Variants in CYP4V2 observed in about 807,000 individuals in gnomAD.
CYP4V2 encodes the protein cytochrome P450 family 4 subfamily V member 2, also known as cytochrome P450 4V2.
In CYP4V2, 55 loss-of-function variants were observed where a neutral mutation model predicts 60.8. That is an observed-to-expected ratio of 0.90 (90% CI 0.73 to 1.13). CYP4V2 has a LOEUF of 1.13. CYP4V2 is among the 50% of genes most tolerant of loss of function. CYP4V2 has a pLI of 0.00. For missense variants in CYP4V2, 675 were observed against 662.9 expected (o/e 1.02, Z -0.20); for synonymous variants, 239 against 236.8 (o/e 1.01, Z -0.08).
At chr4:186,198,828 C>G (rs1295741660) in intron 5 of CYP4V2, 129 bp from the exon 6 acceptor site, 2 of 1,371,436 alleles carry the variant, frequency 1.5e-6, no homozygotes, top group East Asian at 2.3e-5. Flanking sequence ...AAACATGGAG[C>G]TCTTAGTAGC....
At position 186,198,985 on chromosome 4, in the gene CYP4V2, A is replaced by G; in HGVS notation, c.703A>G (p.Lys235Glu). The G allele has an allele frequency of 6.2e-7, 1 of 1,614,162 alleles. No homozygotes were observed. The highest frequency in any genetic ancestry group is 1.1e-5 in the South Asian group (1 of 91,082). Residue 235 changes from lysine (K) to glutamate (E), a missense_variant, in exon 6 of 11, where the codon AAG (lysine) becomes GAG (glutamate). By Grantham distance (56) the Lys-to-Glu change is moderately conservative (BLOSUM62 1). Coordinates refer to ENST00000378802, the MANE Select transcript of CYP4V2 (RefSeq NM_207352.4). ...RMSEMIFRRI[K>E]MPWLWLDLWY... Reference sequence around the variant, plus strand: ...GAGTGAGATGATATTTCGAAGAATAAAGATGCCCTGGCTTTGGCTTGATCT... The same window carrying G: ...GAGTGAGATGATATTTCGAAGAATAGAGATGCCCTGGCTTTGGCTTGATCT...
chr4:186,210,825 T>C lies in CYP4V2; in HGVS notation c.*184T>C. The C allele has an allele frequency of 1.4e-6, 1 of 727,444 alleles. No homozygotes were observed. Among genetic ancestry groups the C allele is most frequent in the South Asian group, 1.9e-5 (1 of 51,830 alleles). 45.1% of individuals were successfully genotyped at this position (727,444 alleles called of 1,614,324 possible). A position where few individuals can be genotyped will look rare whatever the true frequency, so the allele number is the denominator to read the frequency against. On this transcript the variant is annotated 3_prime_UTR_variant, in exon 11 of 11. Coordinates refer to ENST00000378802, the MANE Select transcript of CYP4V2 (RefSeq NM_207352.4). ...AAGTTTTGAGTTTTGTATTTTCTTT[T>C]TTCTTTTTTCTTTATTTTTTTTTTT...
chr4:186,207,572 T>A (rs1253182457), intron 8 of CYP4V2, among the ~76,000 whole-genome samples: 1 of 125,886 alleles, frequency 7.9e-6, no homozygotes, highest in Non-Finnish European at 1.8e-5. Flanking sequence ...TATAAAAATA[T>A]TAAATAATTA....
rs111424698 is a variant in CYP4V2 at position 186,208,763 on chromosome 4, G to A, written c.1091-102G>A. 129 of 1,513,616 alleles carry A rather than the reference G, an allele frequency of 8.5e-5. 2 individuals are homozygous for A. In the African/African-American group the frequency reaches 1.2e-3, roughly 14 times the overall value. 93.8% of individuals were successfully genotyped at this position (1,513,616 alleles called of 1,614,324 possible). A position where few individuals can be genotyped will look rare whatever the true frequency, so the allele number is the denominator to read the frequency against. On this transcript the variant is annotated intron_variant, in intron 8 of 10. Transcript: ENST00000378802. ...TTCTTCTTTGTTGGGTATTTGATGGGTATTTAGCATGCCATGCCTTGATCC... is the reference window on the plus strand; with the variant it reads ...TTCTTCTTTGTTGGGTATTTGATGGATATTTAGCATGCCATGCCTTGATCC...
chr4:186,192,617 C>T (rs1477781498), intron 1 of CYP4V2, among the ~76,000 whole-genome samples: 2 of 152,094 alleles, frequency 1.3e-5, no homozygotes, highest in African/African-American at 2.4e-5. Context: ...GGGTGTCAAA[C>T]GCCTTGTTTA....
At chr4:186,197,786 A>T (rs1393546901) in intron 5 of CYP4V2, among the ~76,000 whole-genome samples, 184 bp downstream of exon 5, 2 of 130,444 alleles carry the variant, frequency 1.5e-5, no homozygotes, top group Admixed American at 7.4e-5. Context: ...GCACATCTAG[A>T]TTATGTAGTA....
intron 8 of CYP4V2, among the ~76,000 whole-genome samples, chr4:186,208,637 A>G (rs878903298): frequency 7.2e-5 from 9 of 125,486 alleles, no homozygotes; most frequent in Non-Finnish European, 1.5e-4. Context: ...TTTTCTTTGA[A>G]GGGTATTTGA....
Position 186,205,283 on chromosome 4 carries a change from T to A in CYP4V2, c.1071T>A (p.His357Gln). The change falls in exon 8 of 11, where the codon CAT (histidine) becomes CAA (glutamine). Residue 357 changes from histidine to glutamine, a missense_variant. Physicochemically the swap from His to Gln is conservative, Grantham distance 24. Coordinates refer to ENST00000378802, the MANE Select transcript of CYP4V2 (RefSeq NM_207352.4). ...SNPEVQKKVDHELDDVFGKSD... is the reference protein window; with the variant it reads ...SNPEVQKKVDQELDDVFGKSD... ...CAGAAGTCCAGAAAAAAGTGGATCA[T>A]GAATTGGATGACGTGTTTGGTATGT... 1 of 1,614,248 alleles carries A rather than the reference T, an allele frequency of 6.2e-7. No individual in the cohort carries two copies. The highest frequency in any genetic ancestry group is 1.1e-5 in the South Asian group (1 of 91,090).
chr4:186,192,075 C>T (rs931137718), intron 1 of CYP4V2, 38 bp downstream of exon 1: 3 of 1,539,118 alleles, frequency 1.9e-6, no homozygotes, highest in Non-Finnish European at 2.6e-6. Flanking sequence ...CAACGGGGTC[C>T]GCAGCCCCGT....
chr4:186,210,827 T>C lies in CYP4V2; in HGVS notation c.*186T>C. 2.7e-6 allele frequency: 2 copies of C among 727,802 alleles called. No individual in the cohort carries two copies. The highest frequency in any genetic ancestry group is 4.4e-6 in the Non-Finnish European group (2 of 456,998). The allele number at this position is 727,802 out of a possible 1,614,324, so 45.1% of individuals were successfully genotyped here. A position where few individuals can be genotyped will look rare whatever the true frequency, so the allele number is the denominator to read the frequency against. On this transcript the variant is annotated 3_prime_UTR_variant, in exon 11 of 11. Coordinates refer to ENST00000378802, the MANE Select transcript of CYP4V2 (RefSeq NM_207352.4). ...GTTTTGAGTTTTGTATTTTCTTTTT[T>C]CTTTTTTCTTTATTTTTTTTTTTTG...
intron 6 of CYP4V2, 120 bp downstream of exon 6, chr4:186,199,203 C>A: frequency 9.1e-7 from 1 of 1,095,754 alleles, no homozygotes; most frequent in Non-Finnish European, 1.3e-6. Context: ...TGCAACCATC[C>A]CCACCGTTCA....
At position 186,209,125 on chromosome 4, in the gene CYP4V2, G is replaced by A. The variant is rs1044405297; in HGVS notation, c.1258G>A (p.Val420Ile). The change falls in exon 10 of 11, where the codon GTC (valine) becomes ATC (isoleucine). Residue 420 changes from valine to isoleucine, a missense_variant. Val to Ile is a conservative substitution (Grantham distance 29, BLOSUM62 3). Transcript: ENST00000378802. ...CAGAGTTCTAAAAGGCACTGAAGCC[G>A]TCATCATTCCCTATGCATTGCACAG... is the stretch of plus-strand genomic sequence containing the variant. ...GYRVLKGTEA[V>I]IIPYALHRDP... 2.4e-5 allele frequency: 38 copies of A among 1,614,082 alleles called. No individual in the cohort carries two copies. Among genetic ancestry groups the A allele is most frequent in the South Asian group, 1.3e-4 (12 of 91,076 alleles).
chr4:186,210,403 A>G (rs981960867), intron 10 of CYP4V2, 66 bp from the exon 11 acceptor site: 20 of 1,605,640 alleles, frequency 1.2e-5, no homozygotes, highest in African/African-American at 4.0e-5. Context: ...CTATGACAGG[A>G]CCTCTTGTTT....
At chr4:186,197,217 G>C (rs756204549) in intron 4 of CYP4V2, 87 bp downstream of exon 4, 11 of 1,483,620 alleles carry the variant, frequency 7.4e-6, no homozygotes, top group East Asian at 2.3e-5. Flanking sequence ...GAAGGCAAAT[G>C]GGGGGACGGG....
At position 186,210,675 on chromosome 4, in the gene CYP4V2, A is replaced by G. The variant is rs1448338104; in HGVS notation, c.*34A>G. The G allele has an allele frequency of 1.2e-6, 2 of 1,613,256 alleles. No individual in the cohort carries two copies. Among genetic ancestry groups the G allele is most frequent in the South Asian group, 1.1e-5 (1 of 91,040 alleles). The stretch of plus-strand genomic sequence containing the variant: ...TTGGGTTGTGCCTTTATCATGAGAA[A>G]GGTCTTTATTTTAAGAGATCCTTGT... On this transcript the variant is annotated 3_prime_UTR_variant, in exon 11 of 11. Coordinates refer to ENST00000378802, the MANE Select transcript of CYP4V2 (RefSeq NM_207352.4).
intron 7 of CYP4V2, chr4:186,204,737 A>T: frequency 8.2e-6 from 2 of 243,460 alleles, no homozygotes; most frequent in Non-Finnish European, 1.6e-5. Context: ...CAAGTATGAA[A>T]TGAGGTTGTT....
chr4:186,198,061 A>G (rs1736208583), intron 5 of CYP4V2, among the ~76,000 whole-genome samples: 1 of 152,192 alleles, frequency 6.6e-6, no homozygotes, highest in African/African-American at 2.4e-5. Context: ...CCAAGTAGGT[A>G]TTGTTTTAGT....
At chr4:186,206,825 T>C (rs1442459727) in intron 8 of CYP4V2, among the ~76,000 whole-genome samples, 1 of 152,248 alleles carries the variant, frequency 6.6e-6, no homozygotes, top group Non-Finnish European at 1.5e-5. Context: ...CTAACACTTT[T>C]GGCAACATTT....
chr4:186,196,956 C>A lies in CYP4V2; in HGVS notation c.430C>A (p.Arg144Ser), dbSNP rs757683326. Residue 144 changes from arginine (R) to serine (S), a missense_variant, in exon 4 of 11, where the codon CGC (arginine) becomes AGC (serine). Arg to Ser is a moderately radical substitution (Grantham distance 110, BLOSUM62 -1). Coordinates refer to ENST00000378802, the MANE Select transcript of CYP4V2 (RefSeq NM_207352.4). The part of the protein sequence containing the change: ...GLLTSTGNKW[R>S]SRRKMLTPTF... ...TATTTCTAGTACTGGAAACAAATGG[C>A]GCTCCAGGAGAAAGATGTTAACACC... 6.2e-7 allele frequency: 1 copy of A among 1,613,060 alleles called. No individual in the cohort carries two copies. The highest frequency in any genetic ancestry group is 8.5e-7 in the Non-Finnish European group (1 of 1,179,984).
Sources: allele counts gnomAD v4.1 joint callset (sites outside exome capture counted in the v4.1 genomes callset), GRCh38; gene constraint gnomAD v4.1.1; transcripts MANE v1.5; gene names NCBI Gene and HGNC (gene_info 2026-07-23, HGNC 2026-07-21).